Variants in ROBO2 observed in about 807,000 individuals in gnomAD.
The protein encoded by ROBO2 is roundabout homolog 2.
ROBO2 carries 53 observed loss-of-function variants against 160.8 expected under a neutral mutation model. That is an observed-to-expected ratio of 0.33 (90% CI 0.26 to 0.41). The LOEUF is 0.41. Ranked by LOEUF, ROBO2 falls within the 10% of genes least tolerant of loss-of-function variation. The pLI, the probability that ROBO2 is intolerant of heterozygous loss-of-function variation, is 1.00. For synonymous variants in ROBO2, 664 were observed against 611.7 expected (o/e 1.09, Z -1.26); for missense variants, 1,577 against 1,722.4 (o/e 0.92, Z 1.49).
At chr3:77,488,050 C>G (rs2085597447) in intron 4 of ROBO2, among the ~76,000 whole-genome samples, 1 of 152,022 alleles carries the variant, frequency 6.6e-6, no homozygotes, top group Non-Finnish European at 1.5e-5. Flanking sequence ...TGTATATTTG[C>G]TTTCTGAATA....
At chr3:77,048,414 G>A (rs1044253839) in intron 1 of ROBO2, among the ~76,000 whole-genome samples, 5 of 152,252 alleles carry the variant, frequency 3.3e-5, no homozygotes, top group Admixed American at 2.6e-4. Context: ...CCAAGTGAAA[G>A]GTGCGACGAA....
chr3:77,247,877 G>A lies in ROBO2; in HGVS notation c.388+149537G>A, dbSNP rs1328377105. ...GGAACAGGATGCAGGGAGATCCTGG[G>A]CAGAAGACAGTGGGTCTCTGGCGAG... On this transcript the variant is annotated intron_variant, in intron 2 of 25. Transcript: ENST00000461745. 2.0e-5 allele frequency among the ~76,000 whole-genome samples: 3 copies of A among 152,264 alleles called. No individual in the cohort carries two copies. The East Asian group carries it at 5.8e-4, about 29-fold the overall frequency.
chr3:77,025,579 C>T (rs1358233166), intron 2 of ROBO2, among the ~76,000 whole-genome samples: 1 of 152,178 alleles, frequency 6.6e-6, no homozygotes, highest in Non-Finnish European at 1.5e-5. Context: ...ACAAAAGATT[C>T]ATGATTTAAG....
At chr3:77,272,180 C>T (rs1032835796) in intron 2 of ROBO2, among the ~76,000 whole-genome samples, 2 of 152,176 alleles carry the variant, frequency 1.3e-5, no homozygotes, top group Admixed American at 6.5e-5. Context: ...GTTTAAGATA[C>T]TCTTTGAAAA....
chr3:76,497,695 G>A (rs561160092), intron 2 of ROBO2, among the ~76,000 whole-genome samples: 4 of 152,332 alleles, frequency 2.6e-5, no homozygotes, highest in Admixed American at 2.6e-4. Context: ...GAGTGAAGCC[G>A]AGTACTCTCT....
intron 2 of ROBO2, among the ~76,000 whole-genome samples, chr3:76,781,523 T>C (rs72894262): frequency 5.3e-5 from 8 of 150,816 alleles, no homozygotes; most frequent in African/African-American, 1.9e-4. Context: ...TTGACTTTTA[T>C]TATGTTGTAT....
intron 2 of ROBO2, among the ~76,000 whole-genome samples, chr3:76,133,541 T>C (rs1037386419): frequency 6.6e-6 from 1 of 151,958 alleles, no homozygotes; most frequent in African/African-American, 2.4e-5. Context: ...GTCTGCAAGC[T>C]GAGGAGCCAG....
intron 2 of ROBO2, among the ~76,000 whole-genome samples, chr3:77,319,485 T>C (rs976399073): frequency 6.6e-6 from 1 of 152,178 alleles, no homozygotes; most frequent in Non-Finnish European, 1.5e-5. Context: ...ACATTGAATA[T>C]CTAAGTAGTC....
intron 2 of ROBO2, among the ~76,000 whole-genome samples, chr3:77,363,504 A>C (rs550031695): frequency 6.6e-6 from 1 of 152,316 alleles, no homozygotes; most frequent in East Asian, 1.9e-4. Context: ...TCAAAGATTT[A>C]TGTGACCCAA....
intron 2 of ROBO2, among the ~76,000 whole-genome samples, chr3:76,935,084 T>C (rs1338743338): frequency 1.3e-5 from 2 of 151,882 alleles, no homozygotes; most frequent in African/African-American, 4.8e-5. Flanking sequence ...CCTGAGTAAC[T>C]AGGACTATAG....
intron 2 of ROBO2, among the ~76,000 whole-genome samples, chr3:77,260,677 C>T (rs1328639995): frequency 1.3e-5 from 2 of 152,150 alleles, no homozygotes; most frequent in African/African-American, 4.8e-5. Context: ...TCCAAGGTCC[C>T]ACAAGCGGTA....
intron 2 of ROBO2, among the ~76,000 whole-genome samples, chr3:77,201,729 G>A (rs1202353965): frequency 6.6e-6 from 1 of 152,022 alleles, no homozygotes. Flanking sequence ...TGTATTTGTT[G>A]CCTAAAATTT....
At chr3:76,016,668 A>AT (rs1315209889) in intron 2 of ROBO2, among the ~76,000 whole-genome samples, 1 of 152,176 alleles carries the variant, frequency 6.6e-6, no homozygotes, top group Non-Finnish European at 1.5e-5. Flanking sequence ...AAACTGGTAT[A>AT]TGCAAAATCT....
At chr3:77,082,732 G>C (rs1364338745) in intron 1 of ROBO2, among the ~76,000 whole-genome samples, 3 of 151,320 alleles carry the variant, frequency 2.0e-5, no homozygotes, top group Non-Finnish European at 4.4e-5. Flanking sequence ...ACACACAATA[G>C]TGTATTGTAT....
At chr3:77,314,726 C>T (rs550653608) in intron 2 of ROBO2, among the ~76,000 whole-genome samples, 8 of 152,154 alleles carry the variant, frequency 5.3e-5, no homozygotes, top group African/African-American at 1.9e-4. Context: ...CAAGATTGTA[C>T]ACAAGGCATT....
At chr3:76,588,117 G>T (rs1281324527) in intron 2 of ROBO2, among the ~76,000 whole-genome samples, 3 of 152,138 alleles carry the variant, frequency 2.0e-5, no homozygotes, top group Admixed American at 6.6e-5. Context: ...CACCCATCAG[G>T]AAGATCAAAC....
At chr3:77,481,851 G>A (rs1582333243) in intron 4 of ROBO2, among the ~76,000 whole-genome samples, 1 of 152,064 alleles carries the variant, frequency 6.6e-6, no homozygotes, top group South Asian at 2.1e-4. Context: ...GGTGGATAAA[G>A]TATTGGAAAG....
At chr3:75,969,854 T>C (rs72890309) in intron 2 of ROBO2, among the ~76,000 whole-genome samples, 2,998 of 151,666 alleles carry the variant, frequency 0.02, 95 homozygotes, top group African/African-American at 0.068. Context: ...TTCATTTTGT[T>C]GAATGTTTGC....
At chr3:76,676,245 T>G (rs1028714185) in intron 2 of ROBO2, among the ~76,000 whole-genome samples, 1 of 152,142 alleles carries the variant, frequency 6.6e-6, no homozygotes, top group African/African-American at 2.4e-5. Flanking sequence ...CCCGTGCTGT[T>G]CTCATGAGAG....
Sources: allele counts gnomAD v4.1 joint callset (sites outside exome capture counted in the v4.1 genomes callset), GRCh38; gene constraint gnomAD v4.1.1; transcripts MANE v1.5; gene names NCBI Gene and HGNC (gene_info 2026-07-23, HGNC 2026-07-21).